The following MSR1 variants were observed in gnomAD, a reference collection of about 807,000 sequenced individuals.
MSR1 encodes macrophage scavenger receptor types I and II.
A neutral mutation model predicts 47.2 loss-of-function variants in MSR1; 53 were observed. That is an observed-to-expected ratio of 1.12 (90% CI 0.90 to 1.41). The LOEUF is 1.41. Ranked by LOEUF, MSR1 falls within the 40% of genes most tolerant of loss-of-function variation. The probability of loss-of-function intolerance (pLI) is 0.00; values close to 1 mark genes in which losing one functional copy is unlikely to be tolerated. For missense variants in MSR1, 786 were observed against 546.9 expected, an observed-to-expected ratio of 1.44 and a Z score of -4.36; for synonymous variants, 239 against 185.6, an observed-to-expected ratio of 1.29 and a Z score of -2.34.
intron 1 of MSR1, 42 bp from the exon 2 acceptor site, chr8:16,178,034 T>C (rs377141463): frequency 4.5e-5 from 65 of 1,440,376 alleles, no homozygotes; most frequent in Non-Finnish European, 6.3e-5. Context: ...CCACATGAAA[T>C]GGCTAGGGCT....
intron 8 of MSR1, among the ~76,000 whole-genome samples, chr8:16,122,106 T>C (rs1443629982): frequency 6.6e-6 from 1 of 152,118 alleles, no homozygotes; most frequent in Non-Finnish European, 1.5e-5. Context: ...CAAAATATAA[T>C]TCAGTGCTAA....
At chr8:16,124,675 C>G (rs1424714418) in intron 8 of MSR1, among the ~76,000 whole-genome samples, 2 of 152,138 alleles carry the variant, frequency 1.3e-5, no homozygotes, top group Admixed American at 1.3e-4. Context: ...CTCAATAGCA[C>G]TATTACAGAT....
At chr8:16,188,887 C>T (rs999361770) in intron 1 of MSR1, among the ~76,000 whole-genome samples, 4 of 150,874 alleles carry the variant, frequency 2.7e-5, no homozygotes, top group South Asian at 2.1e-4. Flanking sequence ...ATATATGCCA[C>T]ATTTTCTTTA....
rs752587086 is a variant in MSR1 at position 16,168,518 on chromosome 8, C to A, written c.570G>T (p.Leu190Phe). ...CATTCAGATTTTCTATGTTGAGCTG[C>A]AAATCAAGCAATGTGGTATTCAAAC... ...LISLNTTLLD[L>F]QLNIENLNGK... The change falls in exon 4 of 10, where the codon TTG (leucine) becomes TTT (phenylalanine). Residue 190 changes from leucine (L) to phenylalanine (F), a missense_variant. Physicochemically the swap from Leu to Phe is conservative, Grantham distance 22 (BLOSUM62 0). Transcript: ENST00000262101. 4 of 1,614,086 alleles carry A rather than the reference C, an allele frequency of 2.5e-6. No individual in the cohort carries two copies. Among genetic ancestry groups the A allele is most frequent in the East Asian group, 2.2e-5 (1 of 44,844 alleles).
intron 1 of MSR1, among the ~76,000 whole-genome samples, chr8:16,180,733 G>GAT: frequency 6.6e-6 from 1 of 152,178 alleles, no homozygotes; most frequent in Middle Eastern, 3.4e-3. Context: ...GACATGCAAG[G>GAT]ATATGACTCA....
Position 16,177,927 on chromosome 8 carries a change from A to C in MSR1, c.62T>G (p.Val21Gly). 1 of 1,613,934 alleles carries C rather than the reference A, an allele frequency of 6.2e-7. No homozygotes were observed. Among genetic ancestry groups the C allele is most frequent in the Non-Finnish European group, 8.5e-7 (1 of 1,179,928 alleles). ...TGTCATTGAGCGAGCATCAAATTTC[A>C]CAGATTCGGAGCAGCTATCAGTGTC... ...QEDTDSCSES[V>G]KFDARSMTAL... is the part of the protein sequence containing the mutation. The change falls in exon 2 of 10, where the codon GTG becomes GGG. Residue 21 changes from valine (V) to glycine (G), a missense_variant. Coordinates refer to ENST00000262101, the MANE Select transcript of MSR1 (RefSeq NM_138715.3).
chr8:16,141,312 C>T (rs188790554), intron 8 of MSR1, among the ~76,000 whole-genome samples: 12 of 152,186 alleles, frequency 7.9e-5, no homozygotes, highest in African/African-American at 2.6e-4. Flanking sequence ...AAAAAGTATT[C>T]CCACAAGATT....
chr8:16,177,816 A>T, intron 2 of MSR1, 70 bp downstream of exon 2: 1 of 1,234,938 alleles, frequency 8.1e-7, no homozygotes, highest in Non-Finnish European at 1.2e-6. Flanking sequence ...AAGTCTCAAG[A>T]CTATAATTTT....
Position 16,109,846 on chromosome 8 carries a change from G to A in MSR1, c.*239C>T, listed in dbSNP as rs1173398426. 1 of 535,612 alleles carries A rather than the reference G, an allele frequency of 1.9e-6. No homozygotes were observed. 33.2% of individuals were successfully genotyped at this position (535,612 alleles called of 1,614,324 possible). ...TATAAACTTCAAAATGTTCAATTCAGCATATAAGTCATTATATTAGAAAAT... is the reference window on the plus strand; with the variant it reads ...TATAAACTTCAAAATGTTCAATTCAACATATAAGTCATTATATTAGAAAAT... On this transcript the variant is annotated 3_prime_UTR_variant, in exon 10 of 10. Coordinates refer to ENST00000262101, the MANE Select transcript of MSR1 (RefSeq NM_138715.3).
At chr8:16,183,972 T>C (rs972453339) in intron 1 of MSR1, among the ~76,000 whole-genome samples, 1 of 148,854 alleles carries the variant, frequency 6.7e-6, no homozygotes, top group African/African-American at 2.5e-5. Flanking sequence ...GTAATCAAGG[T>C]AGGAATACAG....
chr8:16,187,450 C>T (rs1421575286), intron 1 of MSR1, among the ~76,000 whole-genome samples: 1 of 149,766 alleles, frequency 6.7e-6, no homozygotes, highest in African/African-American at 2.5e-5. Flanking sequence ...CCATTTTCAA[C>T]CTACAACCCC....
chr8:16,162,493 G>C (rs1049689249), intron 5 of MSR1, among the ~76,000 whole-genome samples: 3 of 151,988 alleles, frequency 2.0e-5, no homozygotes, highest in Non-Finnish European at 4.4e-5. Context: ...ATAAATATTT[G>C]TTGTGGGTGA....
At chr8:16,188,393 C>CTTTGGATGTTACATACCTTTGGATGTA (rs1802063754) in intron 1 of MSR1, among the ~76,000 whole-genome samples, 1 of 151,872 alleles carries the variant, frequency 6.6e-6, no homozygotes, top group Admixed American at 6.6e-5. Context: ...GTATGTATAC[C>CTTTGGATGTTACATACCTTTGGATGTA]TGTAACATAG....
chr8:16,170,488 T>C (rs1398126789), intron 3 of MSR1, among the ~76,000 whole-genome samples: 1 of 152,206 alleles, frequency 6.6e-6, no homozygotes, highest in Non-Finnish European at 1.5e-5. Context: ...TTTATCTACA[T>C]GTATGTTAGT....
chr8:16,170,114 C>T (rs781741575), intron 3 of MSR1, among the ~76,000 whole-genome samples: 141 of 151,984 alleles, frequency 9.3e-4, no homozygotes, highest in Non-Finnish European at 4.0e-4. Context: ...CTTTGGGAGG[C>T]GCAGGGAGGT....
At chr8:16,185,591 A>G (rs1801971646) in intron 1 of MSR1, among the ~76,000 whole-genome samples, 1 of 152,104 alleles carries the variant, frequency 6.6e-6, no homozygotes, top group Admixed American at 6.6e-5. Context: ...GCTCTCATCT[A>G]TAAGACCCAT....
intron 5 of MSR1, among the ~76,000 whole-genome samples, chr8:16,159,888 G>T (rs1001697421): frequency 2.0e-5 from 3 of 151,934 alleles, no homozygotes; most frequent in African/African-American, 7.2e-5. Flanking sequence ...TGATAAACAA[G>T]ATATCTTCGA....
At chr8:16,148,413 C>G (rs1585161081) in intron 7 of MSR1, among the ~76,000 whole-genome samples, 1 of 152,182 alleles carries the variant, frequency 6.6e-6, no homozygotes, top group Non-Finnish European at 1.5e-5. Flanking sequence ...CTCCTGTCCA[C>G]AGAAAAGCCA....
At chr8:16,143,757 A>G (rs1800625272) in intron 7 of MSR1, 146 bp from the exon 8 acceptor site, 2 of 649,330 alleles carry the variant, frequency 3.1e-6, no homozygotes, top group Non-Finnish European at 2.7e-6. Context: ...AATGTTAACA[A>G]TAATAATAGT....
Sources: allele counts gnomAD v4.1 joint callset (sites outside exome capture counted in the v4.1 genomes callset), GRCh38; gene constraint gnomAD v4.1.1; transcripts MANE v1.5; gene names NCBI Gene and HGNC (gene_info 2026-07-23, HGNC 2026-07-21).